Variants in MFHAS1 observed in about 807,000 individuals in gnomAD.
MFHAS1 encodes multifunctional ROCO family signaling regulator 1, also known as malignant fibrous histiocytoma-amplified sequence 1.
A neutral mutation model predicts 70.4 loss-of-function variants in MFHAS1; 50 were observed. That is an observed-to-expected ratio of 0.71 (90% CI 0.57 to 0.90). The LOEUF is 0.90. MFHAS1 is among the 40% of genes least tolerant of loss of function. The pLI is 0.00. For missense variants in MFHAS1, 1,795 were observed against 1,347.6 expected (o/e 1.33, Z -5.20); for synonymous variants, 952 against 620.0 (o/e 1.54, Z -7.96).
intron 1 of MFHAS1, among the ~76,000 whole-genome samples, chr8:8,857,486 C>T (rs539752377): frequency 7.2e-5 from 11 of 152,206 alleles, no homozygotes; most frequent in African/African-American, 2.4e-4. Flanking sequence ...AGGCCCGGCG[C>T]GGTGTCTAAC....
intron 1 of MFHAS1, among the ~76,000 whole-genome samples, chr8:8,875,077 T>C (rs1487482828): frequency 6.6e-6 from 1 of 152,208 alleles, no homozygotes; most frequent in Non-Finnish European, 1.5e-5. Flanking sequence ...GTGCATTTTA[T>C]AGATGATACC....
At chr8:8,824,533 AC>A (rs1563190873) in intron 1 of MFHAS1, among the ~76,000 whole-genome samples, 2 of 44,072 alleles carry the variant, frequency 4.5e-5, no homozygotes, top group Admixed American at 8.5e-4. Context: ...ACACACACAC[AC>A]ACACACACAC....
intron 2 of MFHAS1, 27 bp from the exon 3 acceptor site, chr8:8,786,082 C>T (rs1270409242): frequency 3.1e-6 from 5 of 1,608,744 alleles, no homozygotes; most frequent in Non-Finnish European, 4.3e-6. Context: ...CAAGAAAGCA[C>T]AGAGATGACA....
At chr8:8,847,428 T>C (rs1808077373) in intron 1 of MFHAS1, among the ~76,000 whole-genome samples, 1 of 152,200 alleles carries the variant, frequency 6.6e-6, no homozygotes, top group African/African-American at 2.4e-5. Flanking sequence ...GTGATGCACC[T>C]GCCTTGGCCT....
At chr8:8,831,725 C>T (rs11987276) in intron 1 of MFHAS1, among the ~76,000 whole-genome samples, 2,122 of 151,968 alleles carry the variant, frequency 0.014, 56 homozygotes, top group African/African-American at 0.049. Context: ...TCTTGTGCCT[C>T]AGCCTCCTGA....
chr8:8,796,079 C>T (rs1049589013), intron 2 of MFHAS1, among the ~76,000 whole-genome samples: 1 of 152,140 alleles, frequency 6.6e-6, no homozygotes, highest in Non-Finnish European at 1.5e-5. Context: ...CTCTTTGGTT[C>T]TTAATACAAA....
At chr8:8,860,542 C>T (rs1450506411) in intron 1 of MFHAS1, among the ~76,000 whole-genome samples, 1 of 152,230 alleles carries the variant, frequency 6.6e-6, no homozygotes, top group African/African-American at 2.4e-5. Flanking sequence ...TAGAATGTGT[C>T]TTCAGGAATT....
chr8:8,891,791 G>C lies in MFHAS1; in HGVS notation c.1268C>G (p.Thr423Ser), dbSNP rs1002990760. 4.3e-6 allele frequency: 7 copies of C among 1,613,230 alleles called. No individual in the cohort carries two copies. In the African/African-American group the frequency reaches 9.3e-5, roughly 22 times the overall value. Residue 423 changes from threonine (T) to serine (S), a missense_variant, in exon 1 of 3, where the codon ACT (threonine) becomes AGT (serine). Coordinates refer to ENST00000276282, the MANE Select transcript of MFHAS1 (RefSeq NM_004225.3). This position sits in a 1 kb window ranked among gnomAD's most constrained non-coding sequence, Gnocchi z 5.4. ...CTCGGTGAGGCAGTGGCGCAGCAAA[G>C]TCTTTCCTGCAGCCTTATGCCCCAT... ...LLMGHKAAGK[T>S]LLRHCLTEER... is the part of the protein sequence containing the mutation.
chr8:8,787,333 G>T (rs1805587349), intron 2 of MFHAS1, among the ~76,000 whole-genome samples: 1 of 152,082 alleles, frequency 6.6e-6, no homozygotes, highest in African/African-American at 2.4e-5. Context: ...GCCCACCTTG[G>T]CCTCCCAAAG....
chr8:8,792,461 C>A (rs1321578573), intron 2 of MFHAS1, among the ~76,000 whole-genome samples: 4 of 152,090 alleles, frequency 2.6e-5, no homozygotes, highest in Admixed American at 1.3e-4. Context: ...AAAAAATTAG[C>A]TAGGTGCAGT....
intron 1 of MFHAS1, among the ~76,000 whole-genome samples, chr8:8,859,091 G>A (rs1020809169): frequency 6.6e-6 from 1 of 152,328 alleles, no homozygotes; most frequent in Admixed American, 6.5e-5. Context: ...GATGGCTCAT[G>A]CCTGTAATCC....
chr8:8,890,987 A>G lies in MFHAS1; in HGVS notation c.2072T>C (p.Leu691Pro), dbSNP rs777541547. 2.5e-6 allele frequency: 4 copies of G among 1,613,868 alleles called. No homozygotes were observed. The African/African-American group carries it at 5.3e-5, about 22-fold the overall frequency. ...LSWWDSARLG[L>P]QAGLTEDRLQ... ...TCGGTCCTCGGTCAGACCCGCCTGCAGGCCCAAGCGCGCCGAGTCCCACCA... is the reference window on the plus strand; with the variant it reads ...TCGGTCCTCGGTCAGACCCGCCTGCGGGCCCAAGCGCGCCGAGTCCCACCA... Residue 691 changes from leucine to proline, a missense_variant, in exon 1 of 3, where the codon CTG becomes CCG. Leu to Pro is a moderately conservative substitution (Grantham distance 98). Transcript: ENST00000276282.
chr8:8,816,237 T>C (rs1806741158), intron 1 of MFHAS1, among the ~76,000 whole-genome samples: 1 of 152,188 alleles, frequency 6.6e-6, no homozygotes, highest in Admixed American at 6.5e-5. Flanking sequence ...GACGATTTTA[T>C]GGGTGTATGT....
At position 8,892,292 on chromosome 8, in the gene MFHAS1, A is replaced by G. The variant is rs749620593; in HGVS notation, c.767T>C (p.Met256Thr). The G allele has an allele frequency of 6.2e-7, 1 of 1,612,446 alleles. No individual in the cohort carries two copies. The highest frequency in any genetic ancestry group is 8.5e-7 in the Non-Finnish European group (1 of 1,179,948). Residue 256 changes from methionine to threonine, a missense_variant, in exon 1 of 3, where the codon ATG becomes ACG. Physicochemically the swap from Met to Thr is moderately conservative, Grantham distance 81. Coordinates refer to ENST00000276282, the MANE Select transcript of MFHAS1 (RefSeq NM_004225.3). This position sits in a 1 kb window ranked among gnomAD's most constrained non-coding sequence, Gnocchi z 4.7. ...AGCCTGCAGCCCGTTGTTGTCTAGC[A>G]TGAGGCTCTCCAAACTGGCCAGCTC... ...FCELASLESLMLDNNGLQALP... is the reference protein window; with the variant it reads ...FCELASLESLTLDNNGLQALP...
chr8:8,852,470 A>AACAC (rs752733842), intron 1 of MFHAS1, among the ~76,000 whole-genome samples: 17 of 127,778 alleles, frequency 1.3e-4, no homozygotes, highest in South Asian at 5.4e-4. Context: ...CCCTCTCTCA[A>AACAC]ACACACACAC....
chr8:8,835,914 G>A (rs1044212201), intron 1 of MFHAS1, among the ~76,000 whole-genome samples: 2 of 152,166 alleles, frequency 1.3e-5, no homozygotes, highest in Admixed American at 6.5e-5. Context: ...TATTATCTAC[G>A]ACTGCTTTCC....
At chr8:8,850,964 T>C (rs938662123) in intron 1 of MFHAS1, among the ~76,000 whole-genome samples, 8 of 152,094 alleles carry the variant, frequency 5.3e-5, no homozygotes, top group African/African-American at 1.7e-4. Context: ...ATTCACCCCA[T>C]AGCTCCATCT....
chr8:8,828,949 C>G (rs1259271964), intron 1 of MFHAS1, among the ~76,000 whole-genome samples: 1 of 152,120 alleles, frequency 6.6e-6, no homozygotes, highest in African/African-American at 2.4e-5. Flanking sequence ...CTAAGAGCAC[C>G]CCTGCCTCCC....
intron 2 of MFHAS1, among the ~76,000 whole-genome samples, chr8:8,791,723 G>C (rs1407902709): frequency 1.3e-5 from 2 of 152,134 alleles, no homozygotes; most frequent in East Asian, 3.9e-4. Context: ...GGAAGTATAG[G>C]TTTGCCCTAT....
Sources: gnomAD v4.1 joint callset for allele counts (sites outside exome capture counted in the v4.1 genomes callset) on GRCh38, gnomAD v4.1.1 for gene constraint, Gnocchi (gnomAD v3.1) non-coding constraint, MANE v1.5 for transcripts, NCBI Gene and HGNC (gene_info 2026-07-23, HGNC 2026-07-21) for gene names.